Variants in CMTM8 observed in about 807,000 individuals in gnomAD.
The protein encoded by CMTM8 is CKLF like MARVEL transmembrane domain containing 8.
CMTM8 carries 12 observed loss-of-function variants against 18.6 expected under a neutral mutation model. The observed-to-expected ratio is 0.65, with a 90% confidence interval of 0.41 to 1.05. The LOEUF is 1.05. Among genes scored for constraint, CMTM8 ranks in the 50% least tolerant of loss-of-function variants. CMTM8 has a pLI of 0.00. For missense variants in CMTM8, 217 were observed against 227.2 expected, an observed-to-expected ratio of 0.95 and a Z score of 0.29; for synonymous variants, 87 against 90.6, an observed-to-expected ratio of 0.96 and a Z score of 0.23.
intron 1 of CMTM8, among the ~76,000 whole-genome samples, chr3:32,262,456 T>A (rs1575150107): frequency 6.6e-6 from 1 of 152,276 alleles, no homozygotes; most frequent in East Asian, 1.9e-4. Context: ...GGTGAGTGGA[T>A]CCACATGGAG....
intron 2 of CMTM8, among the ~76,000 whole-genome samples, chr3:32,362,496 A>T (rs889778975): frequency 1.3e-5 from 2 of 152,214 alleles, no homozygotes; most frequent in Non-Finnish European, 2.9e-5. Flanking sequence ...CACTGAGAGG[A>T]TGCTTGAGAG....
chr3:32,367,458 C>T (rs1326666475), intron 2 of CMTM8, among the ~76,000 whole-genome samples: 4 of 152,100 alleles, frequency 2.6e-5, no homozygotes, highest in African/African-American at 4.8e-5. Context: ...CACTGTATTG[C>T]GCCTCTACGT....
intron 1 of CMTM8, among the ~76,000 whole-genome samples, chr3:32,277,195 T>G (rs1702533609): frequency 6.6e-6 from 1 of 151,572 alleles, no homozygotes. Context: ...CCCTGAGAAA[T>G]TATTTAGTCT....
rs770730684 is a variant in CMTM8, at chr3:32,239,035, G to C, written c.63G>C (p.Glu21Asp). 24 of 1,583,098 alleles carry C rather than the reference G, an allele frequency of 1.5e-5. No homozygotes were observed. The South Asian group carries it at 2.8e-4, about 18-fold the overall frequency. ...TVTTTASSFAENFSTSSSSFA... is the reference protein window; with the variant it reads ...TVTTTASSFADNFSTSSSSFA... Reference sequence around the variant, plus strand: ...CCACCACCGCCAGCTCCTTCGCAGAGAACTTCTCCACCAGCAGCAGCAGCT... The same window carrying C: ...CCACCACCGCCAGCTCCTTCGCAGACAACTTCTCCACCAGCAGCAGCAGCT... Residue 21 changes from glutamate to aspartate, a missense_variant, in exon 1 of 4, where the codon GAG (glutamate) becomes GAC (aspartate). Coordinates refer to ENST00000307526, the MANE Select transcript of CMTM8 (RefSeq NM_178868.5).
intron 1 of CMTM8, among the ~76,000 whole-genome samples, chr3:32,348,769 G>A (rs531515499): frequency 3.3e-5 from 5 of 152,046 alleles, no homozygotes; most frequent in South Asian, 4.2e-4. Context: ...CCAAAGTGCT[G>A]TGATTACAGA....
intron 1 of CMTM8, chr3:32,259,987 A>G (rs1702234354): frequency 1.8e-6 from 2 of 1,106,590 alleles, no homozygotes; most frequent in Admixed American, 3.9e-5. Context: ...CAGAGCTGGC[A>G]CTGACCCAGG....
chr3:32,309,810 A>G (rs976663520), intron 1 of CMTM8, among the ~76,000 whole-genome samples: 2 of 152,174 alleles, frequency 1.3e-5, no homozygotes, highest in South Asian at 4.1e-4. Context: ...CTTGGGGTTT[A>G]TGATTTCCTA....
rs558721766 is a variant in CMTM8 at position 32,332,283 on chromosome 3, T to C, written c.148-25090T>C. 3.9e-5 allele frequency among the ~76,000 whole-genome samples: 6 copies of C among 152,310 alleles called. No individual in the cohort carries two copies. In the East Asian group the frequency reaches 1.2e-3, roughly 29 times the overall value. On this transcript the variant is annotated intron_variant, in intron 1 of 3. Transcript: ENST00000307526. ...TGGGGTGCTGGTTGCTAGTTCCACC[T>C]GCTGCAGACCTGCAGTGGGGACAGT...
At chr3:32,273,904 A>G (rs541801508) in intron 1 of CMTM8, among the ~76,000 whole-genome samples, 6 of 152,324 alleles carry the variant, frequency 3.9e-5, no homozygotes, top group South Asian at 2.1e-4. Flanking sequence ...AGGTTTAACA[A>G]ACTCTCAGGG....
chr3:32,293,776 T>C lies in CMTM8; in HGVS notation c.147+54657T>C, dbSNP rs1428944214. Among the ~76,000 whole-genome samples, 7 of 151,982 alleles carry C rather than the reference T, an allele frequency of 4.6e-5. No homozygotes were observed. The East Asian group carries it at 1.4e-3, about 29-fold the overall frequency. ...CAGAAGAATCACTTGAACCAGGAGG[T>C]AGAGGTTGCTGTGAGCTGATATTGT... On this transcript the variant is annotated intron_variant, in intron 1 of 3. Coordinates refer to ENST00000307526, the MANE Select transcript of CMTM8 (RefSeq NM_178868.5).
At chr3:32,337,090 C>T (rs1696403908) in intron 1 of CMTM8, among the ~76,000 whole-genome samples, 1 of 152,080 alleles carries the variant, frequency 6.6e-6, no homozygotes, top group South Asian at 2.1e-4. Flanking sequence ...AAACCTCCTC[C>T]CGAGATAACT....
At chr3:32,292,889 G>A (rs62243306) in intron 1 of CMTM8, among the ~76,000 whole-genome samples, 1 of 152,076 alleles carries the variant, frequency 6.6e-6, no homozygotes, top group Non-Finnish European at 1.5e-5. Flanking sequence ...AAATGCGAAC[G>A]TGCATTTTGA....
At chr3:32,330,228 A>G (rs1331811903) in intron 1 of CMTM8, among the ~76,000 whole-genome samples, 3 of 149,246 alleles carry the variant, frequency 2.0e-5, no homozygotes, top group Non-Finnish European at 1.5e-5. Context: ...GCAGAAATAG[A>G]AAAAAAATCC....
chr3:32,357,510 C>T lies in CMTM8; in HGVS notation c.285C>T (p.Thr95=). ...VFFLIIYITM[T]YTRIPQVPWT... is the part of the protein sequence containing the mutation. ...TCCTCATTATCTACATAACAATGAC[C>T]TACACCAGGATTCCCCAGGTGCCCT... is the stretch of plus-strand genomic sequence containing the variant. The change falls in exon 2 of 4, where the codon ACC becomes ACT. Residue 95 remains threonine, a synonymous_variant. Coordinates refer to ENST00000307526, the MANE Select transcript of CMTM8 (RefSeq NM_178868.5). The T allele has an allele frequency of 6.2e-7, 1 of 1,614,102 alleles. No homozygotes were observed. The highest frequency in any genetic ancestry group is 8.5e-7 in the Non-Finnish European group (1 of 1,180,014).
In CMTM8 at chr3:32,367,860, G is replaced by T; in HGVS notation, c.322-12G>T. 6.3e-7 allele frequency: 1 copy of T among 1,593,776 alleles called. No homozygotes were observed. Among genetic ancestry groups the T allele is most frequent in the Non-Finnish European group, 8.6e-7 (1 of 1,162,224 alleles). On this transcript the variant is annotated splice_polypyrimidine_tract_variant and intron_variant, in intron 2 of 3. Coordinates refer to ENST00000307526, the MANE Select transcript of CMTM8 (RefSeq NM_178868.5). ...CCCTCTCCCTAAACACTCTGCCCCT[G>T]TGTCCCCCCAGGGCCTGTGCTTTAA...
intron 1 of CMTM8, among the ~76,000 whole-genome samples, chr3:32,315,192 C>A (rs558374739): frequency 2.0e-5 from 3 of 151,244 alleles, no homozygotes; most frequent in African/African-American, 7.3e-5. Context: ...TGCAGTGGCA[C>A]GATCTCAGCT....
intron 1 of CMTM8, among the ~76,000 whole-genome samples, chr3:32,264,614 A>G (rs1426328495): frequency 1.3e-5 from 2 of 152,318 alleles, no homozygotes; most frequent in East Asian, 3.9e-4. Context: ...TTAACCTTAA[A>G]TGTAAATGGG....
chr3:32,369,913 C>T lies in CMTM8; in HGVS notation c.468C>T (p.Tyr156=), dbSNP rs757202086. The change falls in exon 4 of 4, where the codon TAC becomes TAT. Residue 156 remains tyrosine, a synonymous_variant. Coordinates refer to ENST00000307526, the MANE Select transcript of CMTM8 (RefSeq NM_178868.5). ...SFFAFLVTIC[Y]AGNTYFSFIA... The stretch of plus-strand genomic sequence containing the variant: ...TTGCCTTCCTGGTCACCATCTGCTA[C>T]GCTGGAAATACATATTTCAGTTTTA... 234 of 1,608,278 alleles carry T rather than the reference C, an allele frequency of 1.5e-4. 1 individual carries two copies. In the South Asian group the frequency reaches 1.7e-3, roughly 12 times the overall value.
chr3:32,271,044 TAAAAAA>T (rs1284198332), intron 1 of CMTM8, among the ~76,000 whole-genome samples: 1 of 152,174 alleles, frequency 6.6e-6, no homozygotes, highest in African/African-American at 2.4e-5. Context: ...GAAAAAAAAG[TAAAAAA>T]GAAATAGAAC....
Sources: gnomAD v4.1 joint callset for allele counts (sites outside exome capture counted in the v4.1 genomes callset) on GRCh38, gnomAD v4.1.1 for gene constraint, MANE v1.5 for transcripts, NCBI Gene and HGNC (gene_info 2026-07-23, HGNC 2026-07-21) for gene names.